The following CDS2 variants were observed in gnomAD, a reference collection of about 807,000 sequenced individuals.
The protein encoded by CDS2 is CDP-diacylglycerol synthase 2.
CDS2 carries 47 observed loss-of-function variants against 59.0 expected under a neutral mutation model. That is an observed-to-expected ratio of 0.80 (90% CI 0.63 to 1.02). The LOEUF is 1.02. Among genes scored for constraint, CDS2 ranks in the 50% least tolerant of loss-of-function variants. CDS2 has a pLI of 0.00. For synonymous variants in CDS2, 207 were observed against 206.4 expected, an observed-to-expected ratio of 1.00 and a Z score of -0.02; for missense variants, 356 against 558.9, an observed-to-expected ratio of 0.64 and a Z score of 3.66.
chr20:5,176,574 G>T, intron 3 of CDS2, 74 bp from the exon 4 acceptor site: 1 of 1,131,662 alleles, frequency 8.8e-7, no homozygotes. Flanking sequence ...TTTCTGGAAG[G>T]CTCATGACCT....
chr20:5,185,177 A>G (rs1389843265), intron 8 of CDS2, among the ~76,000 whole-genome samples: 1 of 151,872 alleles, frequency 6.6e-6, no homozygotes, highest in Non-Finnish European at 1.5e-5. Flanking sequence ...TCCTAGCACT[A>G]TGGGATGCTG....
In CDS2 at chr20:5,189,884, C is replaced by T. The variant is rs771980981; in HGVS notation, c.1205+46C>T. On this transcript the variant is annotated intron_variant, in intron 12 of 12. Coordinates refer to ENST00000460006, the MANE Select transcript of CDS2 (RefSeq NM_003818.4). ...AACCAAGTTGGTGGATTTTTAAGTA[C>T]GGTGCAATTCTAGAATTTTAGCGGC... The T allele has an allele frequency of 1.8e-5, 27 of 1,480,212 alleles. No individual in the cohort carries two copies. In the East Asian group the frequency reaches 2.1e-4, roughly 11 times the overall value. 91.7% of individuals were successfully genotyped at this position (1,480,212 alleles called of 1,614,324 possible).
At chr20:5,141,783 A>G (rs976215767) in intron 1 of CDS2, among the ~76,000 whole-genome samples, 4 of 152,154 alleles carry the variant, frequency 2.6e-5, no homozygotes, top group African/African-American at 9.7e-5. Flanking sequence ...GCTGAAGTGA[A>G]TTGAATTGGA....
chr20:5,127,050 C>G lies in CDS2; in HGVS notation c.-43C>G. 6.8e-7 allele frequency: 1 copy of G among 1,480,464 alleles called. No individual in the cohort carries two copies. The highest frequency in any genetic ancestry group is 9.0e-7 in the Non-Finnish European group (1 of 1,114,062). 91.7% of individuals were successfully genotyped at this position (1,480,464 alleles called of 1,614,324 possible). On this transcript the variant is annotated 5_prime_UTR_variant, in exon 1 of 13. Transcript: ENST00000460006. The stretch of plus-strand genomic sequence containing the variant: ...CGCGCCGAGCTGCCTGCTCCGGCGG[C>G]TTCGCTGCTAGCTCGCGGCGACGTC...
intron 12 of CDS2, 102 bp downstream of exon 12, chr20:5,189,940 A>G (rs1481195718): frequency 7.5e-7 from 1 of 1,332,046 alleles, no homozygotes; most frequent in Non-Finnish European, 1.1e-6. Flanking sequence ...CATCCCAAAT[A>G]ATGCAGTTTT....
intron 1 of CDS2, among the ~76,000 whole-genome samples, chr20:5,136,990 C>G (rs2090654406): frequency 1.3e-5 from 2 of 152,090 alleles, no homozygotes; most frequent in African/African-American, 2.4e-5. Flanking sequence ...CTCTTTGTGT[C>G]CATGTGTAGC....
chr20:5,144,068 C>T (rs1475423357), intron 1 of CDS2, among the ~76,000 whole-genome samples: 3 of 152,088 alleles, frequency 2.0e-5, no homozygotes, highest in Non-Finnish European at 4.4e-5. Context: ...CCCCCGCCTG[C>T]TTTCAGTTCT....
chr20:5,174,613 T>C (rs2090980824), intron 2 of CDS2, among the ~76,000 whole-genome samples: 2 of 151,838 alleles, frequency 1.3e-5, no homozygotes, highest in African/African-American at 2.4e-5. Context: ...TAGTCCCAGC[T>C]ACTCGGGAGG....
Position 5,196,099 on chromosome 20 carries a change from A to C in CDS2, c.*5865A>C, listed in dbSNP as rs893383519. 1 of 152,104 alleles carries C rather than the reference A, an allele frequency of 6.6e-6. No individual in the cohort carries two copies. Among genetic ancestry groups the C allele is most frequent in the South Asian group, 2.1e-4 (1 of 4,826 alleles). 9.4% of individuals were successfully genotyped at this position (152,104 alleles called of 1,614,324 possible). On this transcript the variant is annotated 3_prime_UTR_variant, in exon 13 of 13. Transcript: ENST00000460006. ...GGATTATTTCCTGGGTATTAGTGGGACCCAACAGCACATTGCTATTAATAG... is the reference window on the plus strand; with the variant it reads ...GGATTATTTCCTGGGTATTAGTGGGCCCCAACAGCACATTGCTATTAATAG...
At chr20:5,136,907 A>G (rs943057949) in intron 1 of CDS2, among the ~76,000 whole-genome samples, 1 of 152,054 alleles carries the variant, frequency 6.6e-6, no homozygotes, top group Non-Finnish European at 1.5e-5. Context: ...TGAGCATAGT[A>G]CTAGATGGGT....
chr20:5,185,934 C>T (rs1600515971), intron 9 of CDS2, 108 bp downstream of exon 9: 3 of 1,057,154 alleles, frequency 2.8e-6, no homozygotes, highest in East Asian at 4.8e-5. Flanking sequence ...CAGGACTGTC[C>T]TGCTGAATGG....
At chr20:5,171,932 C>T (rs2090959074) in intron 1 of CDS2, among the ~76,000 whole-genome samples, 2 of 152,328 alleles carry the variant, frequency 1.3e-5, no homozygotes, top group East Asian at 3.9e-4. Flanking sequence ...AGCCAGCTGT[C>T]TCTTTTTTAT....
At chr20:5,189,993 T>C in intron 12 of CDS2, 109 bp from the exon 13 acceptor site, 1 of 1,463,000 alleles carries the variant, frequency 6.8e-7, no homozygotes, top group Admixed American at 2.0e-5. Context: ...TCCTGTCATC[T>C]GTTAATAGAT....
At chr20:5,157,363 A>G (rs2090841421) in intron 1 of CDS2, among the ~76,000 whole-genome samples, 1 of 152,232 alleles carries the variant, frequency 6.6e-6, no homozygotes, top group East Asian at 1.9e-4. Context: ...AGTTGAAAGA[A>G]AAATGGTTTT....
Position 5,127,015 on chromosome 20 carries a change from C to T in CDS2, c.-78C>T. ...CGGGGCGGGGCCGGCCGTGGGAGTCCGCGCGTGCCCGCGCCGAGCTGCCTG... is the reference window on the plus strand; with the variant it reads ...CGGGGCGGGGCCGGCCGTGGGAGTCTGCGCGTGCCCGCGCCGAGCTGCCTG... On this transcript the variant is annotated 5_prime_UTR_variant, in exon 1 of 13. Transcript: ENST00000460006. 4 of 1,365,274 alleles carry T rather than the reference C, an allele frequency of 2.9e-6. No homozygotes were observed. The highest frequency in any genetic ancestry group is 3.9e-6 in the Non-Finnish European group (4 of 1,031,968). 84.6% of individuals were successfully genotyped at this position (1,365,274 alleles called of 1,614,324 possible).
intron 2 of CDS2, among the ~76,000 whole-genome samples, chr20:5,173,988 G>T (rs1446880900): frequency 6.6e-6 from 1 of 152,232 alleles, no homozygotes; most frequent in Non-Finnish European, 1.5e-5. Context: ...CACAGCACAG[G>T]AAACCAGCCT....
Position 5,191,466 on chromosome 20 carries a change from A to G in CDS2, c.*1232A>G, listed in dbSNP as rs151226067. On this transcript the variant is annotated 3_prime_UTR_variant, in exon 13 of 13. Coordinates refer to ENST00000460006, the MANE Select transcript of CDS2 (RefSeq NM_003818.4). ...GGTGAGATTGACTTTGGGAAGACAG[A>G]TTAGTTCTTTGTCAGGCCAACAAGT... is the stretch of plus-strand genomic sequence containing the variant. The G allele has an allele frequency of 4.6e-5, 7 of 152,220 alleles. No individual in the cohort carries two copies. Among genetic ancestry groups the G allele is most frequent in the African/African-American group, 1.7e-4 (7 of 41,526 alleles). The allele number at this position is 152,220 out of a possible 1,614,324, so 9.4% of individuals were successfully genotyped here.
chr20:5,135,002 T>TA (rs1408830043), intron 1 of CDS2, among the ~76,000 whole-genome samples: 3 of 152,192 alleles, frequency 2.0e-5, no homozygotes, highest in Non-Finnish European at 4.4e-5. Context: ...TTCTCAACCT[T>TA]ACAACTGCCA....
Position 5,145,236 on chromosome 20 carries a change from A to ACCG in CDS2, c.57+18089_57+18090insGCC, listed in dbSNP as rs1303626529. Among the ~76,000 whole-genome samples, 19 of 52,002 alleles carry ACCG rather than the reference A, an allele frequency of 3.7e-4. No homozygotes were observed. The East Asian group carries it at 0.012, about 34-fold the overall frequency. 34.1% of individuals were successfully genotyped at this position (52,002 alleles called of 152,430 possible). On this transcript the variant is annotated intron_variant, in intron 1 of 12. Coordinates refer to ENST00000460006, the MANE Select transcript of CDS2 (RefSeq NM_003818.4). ...TAGGGCGAATGGGTAGAAAGGAAAG[A>ACCG]CCCCCCCCCCCGCCCCCGCCACCAA...
Sources: gnomAD v4.1 joint callset for allele counts (sites outside exome capture counted in the v4.1 genomes callset) on GRCh38, gnomAD v4.1.1 for gene constraint, MANE v1.5 for transcripts, NCBI Gene and HGNC (gene_info 2026-07-23, HGNC 2026-07-21) for gene names.